ELP4: variants seen among roughly 807,000 people sequenced by gnomAD.
The protein encoded by ELP4 is elongator complex protein 4.
ELP4 carries 51 observed loss-of-function variants against 48.9 expected under a neutral mutation model. The observed-to-expected ratio is 1.04, with a 90% CI of 0.83 to 1.32. The LOEUF is 1.32. Among genes scored for constraint, ELP4 ranks in the 40% most tolerant of loss-of-function variants. The pLI is 0.00. For missense variants in ELP4, 519 were observed against 514.6 expected (o/e 1.01, Z -0.08); for synonymous variants, 210 against 189.2 (o/e 1.11, Z -0.90).
chr11:31,750,059 T>A (rs1380631972), intron 9 of ELP4, among the ~76,000 whole-genome samples: 1 of 149,972 alleles, frequency 6.7e-6, no homozygotes, highest in Non-Finnish European at 1.5e-5. Flanking sequence ...AGAGACGGGG[T>A]TTCACCGTGT....
intron 9 of ELP4, among the ~76,000 whole-genome samples, chr11:31,683,040 T>C (rs1195131007): frequency 6.6e-6 from 1 of 152,150 alleles, no homozygotes; most frequent in African/African-American, 2.4e-5. Flanking sequence ...TTATGTATAT[T>C]TACATAAATT....
chr11:31,690,796 C>CTTTTTTTTTTTT (rs10653769), intron 9 of ELP4, among the ~76,000 whole-genome samples: 1 of 109,612 alleles, frequency 9.1e-6, no homozygotes, highest in Non-Finnish European at 1.9e-5. Flanking sequence ...GTTTTTTTTC[C>CTTTTTTTTTTTT]TTTTTTTTTT....
At chr11:31,729,998 G>T (rs1380565355) in intron 9 of ELP4, among the ~76,000 whole-genome samples, 1 of 152,114 alleles carries the variant, frequency 6.6e-6, no homozygotes, top group East Asian at 1.9e-4. Flanking sequence ...TCCTTCTGTG[G>T]AAATACCAAT....
chr11:31,713,024 C>T (rs1946774886), intron 9 of ELP4, among the ~76,000 whole-genome samples: 1 of 152,096 alleles, frequency 6.6e-6, no homozygotes, highest in South Asian at 2.1e-4. Flanking sequence ...TTGTTTTCCC[C>T]CTTGCATCTG....
At chr11:31,642,324 A>G (rs76786101) in intron 7 of ELP4, among the ~76,000 whole-genome samples, 4,040 of 151,994 alleles carry the variant, frequency 0.027, 171 homozygotes, top group African/African-American at 0.092. Context: ...AAGTAAAACA[A>G]TGTGTTCTTA....
chr11:31,547,892 AT>A (rs1390531403), intron 3 of ELP4, among the ~76,000 whole-genome samples: 1 of 152,186 alleles, frequency 6.6e-6, no homozygotes, highest in Non-Finnish European at 1.5e-5. Flanking sequence ...AAACCACATG[AT>A]TATCTCAATA....
chr11:31,577,667 C>T (rs1294984781), intron 3 of ELP4, among the ~76,000 whole-genome samples: 3 of 151,924 alleles, frequency 2.0e-5, no homozygotes, highest in African/African-American at 2.4e-5. Context: ...TGTAATCCAT[C>T]GTATAAACAG....
intron 3 of ELP4, among the ~76,000 whole-genome samples, chr11:31,592,531 A>T (rs888523462): frequency 6.7e-6 from 1 of 149,082 alleles, no homozygotes; most frequent in East Asian, 1.9e-4. Flanking sequence ...ATATGTATGT[A>T]TATATAATAA....
intron 9 of ELP4, among the ~76,000 whole-genome samples, chr11:31,716,156 G>A (rs963681838): frequency 6.6e-6 from 1 of 151,860 alleles, no homozygotes; most frequent in African/African-American, 2.4e-5. Flanking sequence ...CTAGGACTAC[G>A]GGCACACACC....
chr11:31,650,385 T>G, intron 9 of ELP4, 164 bp downstream of exon 9: 1 of 420,020 alleles, frequency 2.4e-6, no homozygotes, highest in Non-Finnish European at 4.3e-6. Context: ...AACAATAATT[T>G]TTTAGACTAT....
chr11:31,665,064 A>G (rs1023251772), intron 9 of ELP4, among the ~76,000 whole-genome samples: 2 of 152,106 alleles, frequency 1.3e-5, no homozygotes, highest in East Asian at 3.8e-4. Flanking sequence ...TGACACTAAT[A>G]ATGACTGAGT....
At chr11:31,617,038 A>T (rs1285810997) in intron 5 of ELP4, among the ~76,000 whole-genome samples, 1 of 152,244 alleles carries the variant, frequency 6.6e-6, no homozygotes, top group Admixed American at 6.6e-5. Context: ...TCAAAACCGT[A>T]TGATCCAACA....
chr11:31,515,372 A>G (rs1956092526), intron 1 of ELP4, among the ~76,000 whole-genome samples: 1 of 152,286 alleles, frequency 6.6e-6, no homozygotes, highest in East Asian at 1.9e-4. Context: ...TTTTTAGGTT[A>G]TGTGGTCACT....
intron 4 of ELP4, among the ~76,000 whole-genome samples, chr11:31,601,736 TTC>T (rs936805492): frequency 6.6e-5 from 10 of 152,122 alleles, no homozygotes; most frequent in African/African-American, 2.4e-4. Flanking sequence ...GTCTCTTTCT[TTC>T]TCTCTCCCCA....
intron 1 of ELP4, among the ~76,000 whole-genome samples, chr11:31,515,655 C>A (rs1173057833): frequency 6.6e-6 from 1 of 152,072 alleles, no homozygotes; most frequent in African/African-American, 2.4e-5. Context: ...CACAGCGACA[C>A]CCTGTCCCCA....
rs552602028 is a variant in ELP4 at position 31,781,275 on chromosome 11, T to A, written c.1144-2118T>A. On this transcript the variant is annotated intron_variant, in intron 9 of 9. Coordinates refer to ENST00000640961, the MANE Select transcript of ELP4 (RefSeq NM_019040.5). ...TGCACGTTTCTTTATGGTAATTTTT[T>A]TTTCAGATAACCTTCAGATTATGCA... Among the ~76,000 whole-genome samples, 116 of 152,284 alleles carry A rather than the reference T, an allele frequency of 7.6e-4. 1 individual carries two copies. Among genetic ancestry groups the A allele is most frequent in the African/African-American group, 2.6e-3 (109 of 41,560 alleles).
intron 5 of ELP4, among the ~76,000 whole-genome samples, chr11:31,621,140 T>A (rs1944612096): frequency 6.6e-6 from 1 of 152,002 alleles, no homozygotes; most frequent in African/African-American, 2.4e-5. Flanking sequence ...CTTGATATTT[T>A]GCCTACTGCC....
At chr11:31,668,200 T>G (rs1001928167) in intron 9 of ELP4, among the ~76,000 whole-genome samples, 4 of 152,126 alleles carry the variant, frequency 2.6e-5, no homozygotes, top group Non-Finnish European at 4.4e-5. Flanking sequence ...TAATTATGCT[T>G]TTTGGTTTTG....
intron 3 of ELP4, among the ~76,000 whole-genome samples, chr11:31,559,588 C>T (rs1040351880): frequency 2.0e-5 from 3 of 152,126 alleles, no homozygotes; most frequent in African/African-American, 7.2e-5. Flanking sequence ...CTCGACTTCT[C>T]AGTAATCAAA....
Sources: gnomAD v4.1 joint callset for allele counts (sites outside exome capture counted in the v4.1 genomes callset) on GRCh38, gnomAD v4.1.1 for gene constraint, MANE v1.5 for transcripts, NCBI Gene and HGNC (gene_info 2026-07-23, HGNC 2026-07-21) for gene names.